ADIPOR2: variants seen among roughly 807,000 people sequenced by gnomAD.
ADIPOR2 encodes adiponectin receptor 2, also known as adiponectin receptor protein 2.
Under a neutral mutation model 40.9 loss-of-function variants are expected in ADIPOR2, and 18 were observed. The observed-to-expected ratio is 0.44, with a 90% CI of 0.30 to 0.65. ADIPOR2 has a LOEUF of 0.65. Among genes scored for constraint, ADIPOR2 ranks in the 30% least tolerant of loss-of-function variants. The pLI, the probability that ADIPOR2 is intolerant of heterozygous loss-of-function variation, is 0.09. For synonymous variants in ADIPOR2, 165 were observed against 166.4 expected, an observed-to-expected ratio of 0.99 and a Z score of 0.06; for missense variants, 283 against 479.2, an observed-to-expected ratio of 0.59 and a Z score of 3.82.
chr12:1,742,121 C>T (rs981656082), intron 1 of ADIPOR2, among the ~76,000 whole-genome samples: 8 of 152,012 alleles, frequency 5.3e-5, no homozygotes, highest in African/African-American at 1.9e-4. Context: ...TTTAAGATAG[C>T]ATCTTGCTAT....
At chr12:1,708,996 T>G (rs2094669866) in intron 1 of ADIPOR2, among the ~76,000 whole-genome samples, 1 of 152,164 alleles carries the variant, frequency 6.6e-6, no homozygotes, top group African/African-American at 2.4e-5. Context: ...CTGGATTACA[T>G]GTGTGAGCCA....
chr12:1,750,022 G>A (rs114534008), intron 1 of ADIPOR2, among the ~76,000 whole-genome samples: 128 of 151,430 alleles, frequency 8.5e-4, no homozygotes, highest in African/African-American at 3.0e-3. Flanking sequence ...TTTTTTTTTA[G>A]TGACATGGTC....
chr12:1,725,546 C>A (rs1164399152), intron 1 of ADIPOR2, among the ~76,000 whole-genome samples: 2 of 152,140 alleles, frequency 1.3e-5, no homozygotes, highest in Non-Finnish European at 2.9e-5. Flanking sequence ...TATATGTTGA[C>A]TACAGTTTTA....
chr12:1,732,624 T>C (rs1043586895), intron 1 of ADIPOR2, among the ~76,000 whole-genome samples: 6 of 152,262 alleles, frequency 3.9e-5, no homozygotes, highest in Non-Finnish European at 7.3e-5. Flanking sequence ...TAAACACTTG[T>C]ATGCAAGTTT....
chr12:1,742,420 A>G (rs1592603512), intron 1 of ADIPOR2, among the ~76,000 whole-genome samples: 1 of 152,160 alleles, frequency 6.6e-6, no homozygotes, highest in South Asian at 2.1e-4. Context: ...TTAGAAATCT[A>G]CCTCTGAGCC....
chr12:1,693,555 C>T (rs969533349), intron 1 of ADIPOR2, among the ~76,000 whole-genome samples: 13 of 146,044 alleles, frequency 8.9e-5, no homozygotes, highest in African/African-American at 3.1e-4. Flanking sequence ...TTTTTTGAGA[C>T]GGAGTTTCGT....
chr12:1,758,454 C>T (rs1420687615), intron 2 of ADIPOR2, among the ~76,000 whole-genome samples: 1 of 152,146 alleles, frequency 6.6e-6, no homozygotes, highest in Non-Finnish European at 1.5e-5. Context: ...CCTCAATTTA[C>T]CAGTGAGGAA....
chr12:1,738,442 A>G (rs1000586259), intron 1 of ADIPOR2, among the ~76,000 whole-genome samples: 2 of 152,222 alleles, frequency 1.3e-5, no homozygotes, highest in African/African-American at 4.8e-5. Context: ...ATTGAGCCAG[A>G]AAAGCACAAG....
At chr12:1,757,940 G>C in intron 2 of ADIPOR2, 1 of 1,000,426 alleles carries the variant, frequency 1.0e-6, no homozygotes. Context: ...CAAACACACC[G>C]GTCAATTTAT....
At chr12:1,769,857 A>T (rs1486627194) in intron 2 of ADIPOR2, among the ~76,000 whole-genome samples, 3 of 152,028 alleles carry the variant, frequency 2.0e-5, no homozygotes, top group South Asian at 4.1e-4. Context: ...TAATTCTTTT[A>T]TAAAGATTCT....
In ADIPOR2 at chr12:1,787,942, A is replaced by C. The variant is rs1862872865; in HGVS notation, c.*1870A>C. Reference sequence around the variant, plus strand: ...AAAGACTCAGTGGATGAACTGGTGCAGTGCCTGACAGAATAAAGAACAGTA... The same window carrying C: ...AAAGACTCAGTGGATGAACTGGTGCCGTGCCTGACAGAATAAAGAACAGTA... On this transcript the variant is annotated 3_prime_UTR_variant, in exon 8 of 8. Coordinates refer to ENST00000357103, the MANE Select transcript of ADIPOR2 (RefSeq NM_024551.3). The C allele has an allele frequency of 6.5e-6, 1 of 152,722 alleles. No homozygotes were observed. The allele number at this position is 152,722 out of a possible 1,614,324, so 9.5% of individuals were successfully genotyped here. A position where few individuals can be genotyped will look rare whatever the true frequency, so the allele number is the denominator to read the frequency against.
Position 1,786,003 on chromosome 12 carries a change from T to G in ADIPOR2, c.1092T>G (p.His364Gln). Residue 364 changes from histidine to glutamine, a missense_variant, in exon 8 of 8, where the codon CAT becomes CAG. Coordinates refer to ENST00000357103, the MANE Select transcript of ADIPOR2 (RefSeq NM_024551.3). ...FVVAGAFVHF[H>Q]GVSNLQEFRF... ...TTGCTGGAGCTTTTGTTCACTTCCA[T>G]GGTGTCTCAAACCTCCAGGAGTTTC... is the stretch of plus-strand genomic sequence containing the variant. The G allele has an allele frequency of 1.2e-6, 2 of 1,614,166 alleles. No individual in the cohort carries two copies. Among genetic ancestry groups the G allele is most frequent in the Non-Finnish European group, 1.7e-6 (2 of 1,180,004 alleles).
At chr12:1,746,225 T>C (rs902631803) in intron 1 of ADIPOR2, among the ~76,000 whole-genome samples, 1 of 152,198 alleles carries the variant, frequency 6.6e-6, no homozygotes, top group East Asian at 1.9e-4. Context: ...AAAACTCTTA[T>C]AAACACTTAA....
chr12:1,787,791 T>C lies in ADIPOR2; in HGVS notation c.*1719T>C, dbSNP rs1862869545. On this transcript the variant is annotated 3_prime_UTR_variant, in exon 8 of 8. Transcript: ENST00000357103. ...GAGTTTTCTCAGTTATTTTCCTCCC[T>C]TGCCCTTGCAATCTCCAGCAAAAGG... The C allele has an allele frequency of 6.6e-6, 1 of 152,254 alleles. No homozygotes were observed. Among genetic ancestry groups the C allele is most frequent in the Non-Finnish European group, 1.5e-5 (1 of 68,040 alleles). 9.4% of individuals were successfully genotyped at this position (152,254 alleles called of 1,614,324 possible). A position where few individuals can be genotyped will look rare whatever the true frequency, so the allele number is the denominator to read the frequency against.
rs1862857871 is a variant in ADIPOR2 at position 1,787,326 on chromosome 12, G to T, written c.*1254G>T. On this transcript the variant is annotated 3_prime_UTR_variant, in exon 8 of 8. Transcript: ENST00000357103. ...TACCTCTGGTACACTGTCTTGGTAA[G>T]CCTGGATGTGACAGACACCTCGGCT... 6.6e-6 allele frequency: 1 copy of T among 152,222 alleles called. No homozygotes were observed. Among genetic ancestry groups the T allele is most frequent in the South Asian group, 2.1e-4 (1 of 4,832 alleles). The allele number at this position is 152,222 out of a possible 1,614,324, so 9.4% of individuals were successfully genotyped here.
intron 1 of ADIPOR2, chr12:1,697,963 C>T (rs1253987798): frequency 6.6e-6 from 1 of 152,200 alleles, no homozygotes; most frequent in Non-Finnish European, 1.5e-5. Flanking sequence ...CTGTAGTAAC[C>T]CTTTAATGTC....
intron 1 of ADIPOR2, among the ~76,000 whole-genome samples, chr12:1,748,626 T>C (rs972197853): frequency 2.0e-5 from 3 of 151,524 alleles, no homozygotes; most frequent in Non-Finnish European, 4.4e-5. Flanking sequence ...AGGTTGAAGT[T>C]TTTTTTTTAA....
At position 1,730,698 on chromosome 12, in the gene ADIPOR2, C is replaced by CTT. The variant is rs560754215; in HGVS notation, c.-86-23559_-86-23558insTT. The CTT allele has an allele frequency of 3.3e-5, 5 of 151,420 alleles. No individual in the cohort carries two copies. In the South Asian group the frequency reaches 1.0e-3, roughly 32 times the overall value. The allele number at this position is 151,420 out of a possible 1,614,324, so 9.4% of individuals were successfully genotyped here. On this transcript the variant is annotated intron_variant, in intron 1 of 7. Transcript: ENST00000357103. Reference sequence around the variant, plus strand: ...AGAAACCAGCTCTCTATATTGTTCTCTAACATTTTGTTATCTTGGCTTTTA... The same window carrying CTT: ...AGAAACCAGCTCTCTATATTGTTCTCTTTAACATTTTGTTATCTTGGCTTTTA...
intron 2 of ADIPOR2, chr12:1,758,095 A>G: frequency 1.8e-6 from 1 of 559,856 alleles, no homozygotes; most frequent in Non-Finnish European, 3.2e-6. Flanking sequence ...GATTTACATT[A>G]ATTGATTTTT....
Sources: allele counts gnomAD v4.1 joint callset (sites outside exome capture counted in the v4.1 genomes callset), GRCh38; gene constraint gnomAD v4.1.1; transcripts MANE v1.5; gene names NCBI Gene and HGNC (gene_info 2026-07-23, HGNC 2026-07-21).